The following PTPRN2 variants were observed in gnomAD, a reference collection of about 807,000 sequenced individuals.
PTPRN2 encodes the protein protein tyrosine phosphatase receptor type N2.
In PTPRN2, 74 loss-of-function variants were observed where a neutral mutation model predicts 118.8. The observed-to-expected ratio is 0.62, with a 90% confidence interval of 0.52 to 0.76. The LOEUF is 0.76. Ranked by LOEUF, PTPRN2 falls within the 30% of genes least tolerant of loss-of-function variation. The pLI, the probability that PTPRN2 is intolerant of heterozygous loss-of-function variation, is 0.00. For missense variants in PTPRN2, 1,481 were observed against 1,394.4 expected (o/e 1.06, Z -0.99); for synonymous variants, 641 against 608.0 (o/e 1.05, Z -0.80).
At chr7:158,244,544 G>GTT (rs139259232) in intron 3 of PTPRN2, among the ~76,000 whole-genome samples, 13 of 64,586 alleles carry the variant, frequency 2.0e-4, no homozygotes, top group African/African-American at 6.5e-4. Context: ...GAATGAGCAT[G>GTT]TTTTTTGTGT....
At chr7:158,201,110 G>A (rs1479625709) in intron 4 of PTPRN2, among the ~76,000 whole-genome samples, 1 of 150,164 alleles carries the variant, frequency 6.7e-6, no homozygotes. Context: ...AGAGTGCTGT[G>A]TGTGATCATG....
intron 2 of PTPRN2, among the ~76,000 whole-genome samples, chr7:158,475,743 C>T (rs974357526): frequency 1.2e-4 from 18 of 152,168 alleles, no homozygotes; most frequent in African/African-American, 4.3e-4. Flanking sequence ...AGCCAAGGCA[C>T]ACACACACCT....
chr7:158,287,934 T>C (rs1463706409), intron 3 of PTPRN2, among the ~76,000 whole-genome samples: 1 of 152,154 alleles, frequency 6.6e-6, no homozygotes, highest in Non-Finnish European at 1.5e-5. Flanking sequence ...ACTGCTACAT[T>C]ACAGTCCATC....
chr7:157,862,727 C>G (rs1255681493), intron 12 of PTPRN2: 1 of 152,320 alleles, frequency 6.6e-6, no homozygotes, highest in African/African-American at 2.4e-5. Flanking sequence ...ATAGCAGGGC[C>G]TCTTACCGGC....
At position 158,546,414 on chromosome 7, in the gene PTPRN2, C is replaced by G. The variant is rs572696631; in HGVS notation, c.112+41144G>C. Among the ~76,000 whole-genome samples the G allele has an allele frequency of 6.6e-6, 1 of 152,228 alleles. No homozygotes were observed. The highest frequency in any genetic ancestry group is 2.4e-5 in the African/African-American group (1 of 41,470). On this transcript the variant is annotated intron_variant, in intron 1 of 22. Coordinates refer to ENST00000389418, the MANE Select transcript of PTPRN2 (RefSeq NM_002847.5). The surrounding 1 kb of genome is among the most constrained non-coding windows in gnomAD (Gnocchi z 5.0). ...AGCTCTCAGAGTCCTTTGGGCACCA[C>G]AGCCCGGAATGGTGCTGGAATCACA...
intron 3 of PTPRN2, among the ~76,000 whole-genome samples, chr7:158,227,575 G>A (rs1187497974): frequency 1.3e-5 from 2 of 152,130 alleles, no homozygotes; most frequent in Non-Finnish European, 2.9e-5. Flanking sequence ...GCAGGATCTA[G>A]ATTTTATGAG....
chr7:157,721,865 T>TA (rs1799255898), intron 12 of PTPRN2, among the ~76,000 whole-genome samples: 1 of 152,184 alleles, frequency 6.6e-6, no homozygotes, highest in Non-Finnish European at 1.5e-5. Flanking sequence ...TTCATCGTGT[T>TA]ACAGAGCATT....
intron 2 of PTPRN2, among the ~76,000 whole-genome samples, chr7:158,337,334 C>A (rs1187028802): frequency 1.3e-5 from 2 of 150,294 alleles, no homozygotes; most frequent in Non-Finnish European, 3.0e-5. Flanking sequence ...CACACTGTCA[C>A]CCTAAGAGGT....
At chr7:158,306,911 G>T (rs531306088) in intron 3 of PTPRN2, among the ~76,000 whole-genome samples, 26 of 144,286 alleles carry the variant, frequency 1.8e-4, no homozygotes, top group African/African-American at 6.5e-4. Flanking sequence ...CTGTCATCCA[G>T]GCTGGAGTGC....
intron 3 of PTPRN2, among the ~76,000 whole-genome samples, chr7:158,289,383 T>C (rs1441161239): frequency 6.6e-6 from 1 of 152,214 alleles, no homozygotes; most frequent in Non-Finnish European, 1.5e-5. Context: ...TCTGACTGTA[T>C]GTTTTCAAAT....
intron 1 of PTPRN2, among the ~76,000 whole-genome samples, chr7:158,495,263 T>C (rs1821745424): frequency 6.6e-6 from 1 of 152,154 alleles, no homozygotes; most frequent in Non-Finnish European, 1.5e-5. Flanking sequence ...TTAAATCACA[T>C]TTTTTCCTAG....
At chr7:158,197,023 C>T (rs1008630801) in intron 4 of PTPRN2, among the ~76,000 whole-genome samples, 7 of 152,114 alleles carry the variant, frequency 4.6e-5, no homozygotes, top group South Asian at 2.1e-4. Flanking sequence ...TATGTATATA[C>T]ATGTATGTGT....
intron 11 of PTPRN2, among the ~76,000 whole-genome samples, chr7:158,071,437 T>TGGA (rs1563391299): frequency 1.9e-4 from 23 of 124,164 alleles, no homozygotes; most frequent in African/African-American, 6.8e-4. Flanking sequence ...GTGCTCGTGG[T>TGGA]GGTGGAGGTG....
intron 12 of PTPRN2, among the ~76,000 whole-genome samples, chr7:157,797,512 C>T (rs1356593928): frequency 2.8e-5 from 4 of 140,372 alleles, no homozygotes; most frequent in Non-Finnish European, 5.9e-5. Context: ...AGGCTGAGGT[C>T]GTGGGAGGCA....
At chr7:158,019,239 G>A (rs763201847) in intron 11 of PTPRN2, among the ~76,000 whole-genome samples, 2 of 152,228 alleles carry the variant, frequency 1.3e-5, no homozygotes, top group Non-Finnish European at 2.9e-5. Flanking sequence ...TCCTGGGGCT[G>A]TTTCTGTAAT....
At chr7:157,966,189 T>A (rs935506568) in intron 11 of PTPRN2, among the ~76,000 whole-genome samples, 2 of 152,158 alleles carry the variant, frequency 1.3e-5, no homozygotes, top group South Asian at 4.1e-4. Context: ...AGGCTGGTGT[T>A]TTATTATTTA....
intron 11 of PTPRN2, among the ~76,000 whole-genome samples, chr7:157,952,499 G>GTGTGCATGCCT (rs1800899888): frequency 6.6e-6 from 1 of 151,638 alleles, no homozygotes; most frequent in Non-Finnish European, 1.5e-5. Flanking sequence ...AGGGTGGGGA[G>GTGTGCATGCCT]GGAGACGCTG....
rs1796400456 is a variant in PTPRN2 at position 157,671,349 on chromosome 7, G to A, written c.2001+11376C>T. Among the ~76,000 whole-genome samples, 1 of 152,206 alleles carries A rather than the reference G, an allele frequency of 6.6e-6. No homozygotes were observed. The highest frequency in any genetic ancestry group is 1.5e-5 in the Non-Finnish European group (1 of 68,038). On this transcript the variant is annotated intron_variant, in intron 13 of 22. Coordinates refer to ENST00000389418, the MANE Select transcript of PTPRN2 (RefSeq NM_002847.5). The surrounding 1 kb of genome is among the most constrained non-coding windows in gnomAD (Gnocchi z 4.1). Reference sequence around the variant, plus strand: ...TGAGGAAGTCACCCTACACTGGAGGGATGGTGACGAGACGTCACCGCAGAG... The same window carrying A: ...TGAGGAAGTCACCCTACACTGGAGGAATGGTGACGAGACGTCACCGCAGAG...
At chr7:158,324,479 A>C (rs1803317798) in intron 2 of PTPRN2, among the ~76,000 whole-genome samples, 1 of 131,886 alleles carries the variant, frequency 7.6e-6, no homozygotes, top group Non-Finnish European at 1.6e-5. Context: ...ACTTGGATGA[A>C]AGACTCACTG....
Sources: allele counts gnomAD v4.1 joint callset (sites outside exome capture counted in the v4.1 genomes callset), GRCh38; gene constraint gnomAD v4.1.1; non-coding constraint Gnocchi (gnomAD v3.1); transcripts MANE v1.5; gene names NCBI Gene and HGNC (gene_info 2026-07-23, HGNC 2026-07-21).